Variants in TUSC3 observed in about 807,000 individuals in gnomAD.
TUSC3 encodes dolichyl-diphosphooligosaccharide--protein glycosyltransferase subunit TUSC3.
In TUSC3, 45 loss-of-function variants were observed where a neutral mutation model predicts 44.8. The observed-to-expected ratio is 1.00, with a 90% confidence interval of 0.79 to 1.29. The LOEUF (loss-of-function observed/expected upper bound fraction) is 1.29, where lower values mean the gene tolerates loss of function less well. TUSC3 is among the 50% of genes most tolerant of loss of function. The pLI is 0.00. For missense variants in TUSC3, 519 were observed against 437.9 expected (o/e 1.19, Z -1.65); for synonymous variants, 212 against 152.9 (o/e 1.39, Z -2.85).
chr8:15,672,395 A>T (rs1006657918), intron 5 of TUSC3, among the ~76,000 whole-genome samples: 1 of 151,678 alleles, frequency 6.6e-6, no homozygotes, highest in Non-Finnish European at 1.5e-5. Context: ...TAAATGCTCT[A>T]CATGGATTAA....
intron 1 of TUSC3, among the ~76,000 whole-genome samples, chr8:15,451,551 G>T (rs775279272): frequency 6.6e-6 from 1 of 152,156 alleles, no homozygotes; most frequent in South Asian, 2.1e-4. Context: ...GTGGCACAGC[G>T]GGAGAGTGCA....
At chr8:15,593,510 A>C (rs954684829) in intron 1 of TUSC3, among the ~76,000 whole-genome samples, 5 of 152,206 alleles carry the variant, frequency 3.3e-5, no homozygotes, top group African/African-American at 1.2e-4. Flanking sequence ...ATTAATAATT[A>C]TGTATACATC....
chr8:15,666,981 C>G (rs546106570), intron 5 of TUSC3, among the ~76,000 whole-genome samples: 2 of 151,526 alleles, frequency 1.3e-5, no homozygotes, highest in South Asian at 2.1e-4. Flanking sequence ...ACTCAAAGTA[C>G]ATTTTAAAAC....
chr8:15,601,154 TCTAGTAGGAGGAGTTTTAAA>T (rs1804273854), intron 1 of TUSC3, among the ~76,000 whole-genome samples: 1 of 151,692 alleles, frequency 6.6e-6, no homozygotes, highest in African/African-American at 2.4e-5. Context: ...CCTAAATGAT[TCTAGTAGGAGGAGTTTTAAA>T]CTCATTTCCA....
the TUSC3 span, among the ~76,000 whole-genome samples, chr8:15,838,795 A>C: frequency 1.3e-5 from 2 of 151,594 alleles, no homozygotes; most frequent in Non-Finnish European, 2.9e-5. Context: ...TAGCGTGATG[A>C]CTCCAGCTTT....
At chr8:15,637,805 T>C (rs1806160062) in intron 2 of TUSC3, among the ~76,000 whole-genome samples, 1 of 152,134 alleles carries the variant, frequency 6.6e-6, no homozygotes, top group Non-Finnish European at 1.5e-5. Flanking sequence ...AGCAAGCTTA[T>C]TTTTCTCCCC....
chr8:15,792,374 C>G, the TUSC3 span, among the ~76,000 whole-genome samples: 1 of 152,110 alleles, frequency 6.6e-6, no homozygotes, highest in Non-Finnish European at 1.5e-5. Flanking sequence ...TGAGTGGCCA[C>G]TTTCGAGTGG....
At chr8:15,656,722 T>C (rs548459590) in intron 3 of TUSC3, among the ~76,000 whole-genome samples, 1 of 152,338 alleles carries the variant, frequency 6.6e-6, no homozygotes, top group South Asian at 2.1e-4. Flanking sequence ...GCAGAGGCCC[T>C]GCTGCTGTAG....
intron 1 of TUSC3, among the ~76,000 whole-genome samples, chr8:15,602,689 TG>T (rs1804340924): frequency 6.6e-6 from 1 of 151,054 alleles, no homozygotes; most frequent in Admixed American, 6.6e-5. Flanking sequence ...TGTGTGTGTG[TG>T]TGTGTGTATA....
the TUSC3 span, among the ~76,000 whole-genome samples, chr8:15,832,268 C>A: frequency 6.6e-6 from 1 of 152,114 alleles, no homozygotes; most frequent in South Asian, 2.1e-4. Flanking sequence ...CCACAAGACC[C>A]ACCTTACCCA....
rs1806849483 is a variant in TUSC3 at position 15,650,589 on chromosome 8, CTG to C, written c.309-106_309-105del. 3.7e-6 allele frequency: 3 copies of C among 813,604 alleles called. No individual in the cohort carries two copies. The African/African-American group carries it at 5.1e-5, about 14-fold the overall frequency. The allele number at this position is 813,604 out of a possible 1,614,324, so 50.4% of individuals were successfully genotyped here. The stretch of plus-strand genomic sequence containing the variant: ...TTAAAAACTATGCTTTTCTTACAGT[CTG>C]TACAAAAACTGGCCAGTGCTTGTCC... On this transcript the variant is annotated intron_variant, in intron 2 of 10. Coordinates refer to ENST00000503731, the MANE Select transcript of TUSC3 (RefSeq NM_006765.4).
intron 1 of TUSC3, among the ~76,000 whole-genome samples, chr8:15,602,810 A>G (rs939034921): frequency 6.6e-6 from 1 of 151,486 alleles, no homozygotes; most frequent in African/African-American, 2.4e-5. Context: ...ATCACATGTT[A>G]TTAATTGTAT....
chr8:15,530,584 G>C (rs1014977433), intron 2 of TUSC3, among the ~76,000 whole-genome samples: 1 of 152,084 alleles, frequency 6.6e-6, no homozygotes, highest in Non-Finnish European at 1.5e-5. Flanking sequence ...CAGCTCCAGG[G>C]CTCATGCTTC....
chr8:15,842,483 G>C, the TUSC3 span, among the ~76,000 whole-genome samples: 2 of 152,110 alleles, frequency 1.3e-5, no homozygotes, highest in Admixed American at 1.3e-4. Context: ...AGTTAACAAA[G>C]GTTTCTGGAT....
At chr8:15,742,232 G>GAGGGTTGATGTTGTGCAGTGGTGGC (rs55870051) in intron 7 of TUSC3, among the ~76,000 whole-genome samples, 1 of 151,730 alleles carries the variant, frequency 6.6e-6, no homozygotes, top group Admixed American at 6.6e-5. Context: ...TGTATGGTGG[G>GAGGGTTGATGTTGTGCAGTGGTGGC]AGGGGCTTTT....
chr8:15,748,164 G>T (rs1159500347), intron 8 of TUSC3, among the ~76,000 whole-genome samples: 2 of 148,260 alleles, frequency 1.3e-5, no homozygotes, highest in Non-Finnish European at 3.0e-5. Flanking sequence ...TTTTCATTGA[G>T]AAGACACAAA....
chr8:15,620,191 A>G (rs553106149), intron 1 of TUSC3, among the ~76,000 whole-genome samples: 1 of 152,354 alleles, frequency 6.6e-6, no homozygotes, highest in African/African-American at 2.4e-5. Flanking sequence ...TGTTGAGGGT[A>G]TAGTGAATCT....
chr8:15,603,999 T>A (rs1804413829), intron 1 of TUSC3, among the ~76,000 whole-genome samples: 1 of 151,642 alleles, frequency 6.6e-6, no homozygotes, highest in Non-Finnish European at 1.5e-5. Context: ...AGAAAGCCTA[T>A]GTGACCATTA....
chr8:15,631,366 C>T (rs139423144), intron 2 of TUSC3, among the ~76,000 whole-genome samples: 254 of 152,232 alleles, frequency 1.7e-3, no homozygotes, highest in African/African-American at 4.5e-3. Flanking sequence ...ATATATGTGA[C>T]ATTGTAGCAT....
Sources: gnomAD v4.1 joint callset for allele counts (sites outside exome capture counted in the v4.1 genomes callset) on GRCh38, gnomAD v4.1.1 for gene constraint, MANE v1.5 for transcripts, NCBI Gene and HGNC (gene_info 2026-07-23, HGNC 2026-07-21) for gene names.